The following CDH12 variants were observed in gnomAD, a reference collection of about 807,000 sequenced individuals.
The protein encoded by CDH12 is cadherin 12.
In CDH12, 41 loss-of-function variants were observed where a neutral mutation model predicts 74.1. That is an observed-to-expected ratio of 0.55 (90% CI 0.43 to 0.72). CDH12 has a LOEUF of 0.72. CDH12 is among the 30% of genes least tolerant of loss of function. The pLI is 0.00. For synonymous variants in CDH12, 399 were observed against 355.0 expected (o/e 1.12, Z -1.39); for missense variants, 945 against 977.2 (o/e 0.97, Z 0.44).
At chr5:21,934,120 A>C (rs1167284453) in intron 6 of CDH12, among the ~76,000 whole-genome samples, 3 of 152,068 alleles carry the variant, frequency 2.0e-5, no homozygotes, top group Admixed American at 1.3e-4. Context: ...ACACCCACAC[A>C]CACACACTCA....
chr5:22,719,520 A>G (rs1349852348), intron 1 of CDH12, among the ~76,000 whole-genome samples: 2 of 152,140 alleles, frequency 1.3e-5, no homozygotes, highest in African/African-American at 2.4e-5. Flanking sequence ...ATGTGTGTCT[A>G]GTGGCATTTC....
At chr5:22,252,244 T>C (rs1356919529) in intron 3 of CDH12, among the ~76,000 whole-genome samples, 6 of 152,070 alleles carry the variant, frequency 3.9e-5, no homozygotes, top group Non-Finnish European at 7.4e-5. Flanking sequence ...GTGTTAGATG[T>C]ATCCCAACTT....
intron 6 of CDH12, among the ~76,000 whole-genome samples, chr5:21,970,999 G>A (rs540097840): frequency 1.0e-3 from 153 of 151,612 alleles, no homozygotes; most frequent in African/African-American, 3.6e-3. Context: ...GAAAGGCAAG[G>A]GAGTACCTGT....
chr5:22,469,965 G>A (rs1395209554), intron 2 of CDH12, among the ~76,000 whole-genome samples: 3 of 152,278 alleles, frequency 2.0e-5, no homozygotes, highest in African/African-American at 7.2e-5. Flanking sequence ...AAGTCTGCAT[G>A]TCTTTTTTCT....
intron 2 of CDH12, among the ~76,000 whole-genome samples, chr5:22,447,749 G>C (rs934956384): frequency 6.6e-6 from 1 of 151,730 alleles, no homozygotes; most frequent in East Asian, 1.9e-4. Context: ...TCCAACTCTG[G>C]AATAAAAGTA....
At chr5:22,635,299 A>C (rs1738783643) in intron 1 of CDH12, among the ~76,000 whole-genome samples, 1 of 152,186 alleles carries the variant, frequency 6.6e-6, no homozygotes, top group Non-Finnish European at 1.5e-5. Flanking sequence ...CACATGCAAA[A>C]GAATGAAGTC....
At chr5:21,979,050 CTG>C (rs1257307954) in intron 5 of CDH12, among the ~76,000 whole-genome samples, 6 of 152,010 alleles carry the variant, frequency 3.9e-5, no homozygotes, top group Non-Finnish European at 7.4e-5. Context: ...GTCATGTTCA[CTG>C]TAAAAAAAAT....
At chr5:22,387,863 A>C (rs1017071778) in intron 3 of CDH12, among the ~76,000 whole-genome samples, 2 of 152,138 alleles carry the variant, frequency 1.3e-5, no homozygotes. Context: ...TTTATGTTTT[A>C]TAATAGGCAT....
chr5:22,145,632 G>A (rs1307576565), intron 4 of CDH12, among the ~76,000 whole-genome samples: 1 of 152,096 alleles, frequency 6.6e-6, no homozygotes, highest in Non-Finnish European at 1.5e-5. Context: ...TAGAAAGGAA[G>A]AAAGCAAGGC....
intron 2 of CDH12, among the ~76,000 whole-genome samples, chr5:22,438,242 A>G (rs1744484873): frequency 6.6e-6 from 1 of 152,008 alleles, no homozygotes; most frequent in Non-Finnish European, 1.5e-5. Context: ...CTCCTATTAC[A>G]ATTTGAATCG....
chr5:22,608,228 G>T (rs1380669794), intron 1 of CDH12, among the ~76,000 whole-genome samples: 2 of 152,230 alleles, frequency 1.3e-5, no homozygotes, highest in Admixed American at 1.3e-4. Context: ...GGTTGGAGCT[G>T]CCCAAGGCTG....
intron 4 of CDH12, among the ~76,000 whole-genome samples, chr5:22,207,289 C>A (rs931941013): frequency 6.7e-6 from 1 of 149,966 alleles, no homozygotes; most frequent in Non-Finnish European, 1.5e-5. Context: ...ATAAAAAAAT[C>A]ATGCAAGATG....
intron 8 of CDH12, among the ~76,000 whole-genome samples, chr5:21,830,808 C>T (rs970888621): frequency 1.4e-4 from 22 of 151,944 alleles, no homozygotes; most frequent in African/African-American, 4.6e-4. Context: ...AAGCCTGAGG[C>T]GGGTGGATCA....
chr5:22,182,561 T>G (rs1749704830), intron 4 of CDH12, among the ~76,000 whole-genome samples: 1 of 152,292 alleles, frequency 6.6e-6, no homozygotes, highest in African/African-American at 2.4e-5. Flanking sequence ...CAGTTAATTT[T>G]TGTTTTTAGA....
intron 5 of CDH12, among the ~76,000 whole-genome samples, chr5:22,055,535 G>A (rs1740675817): frequency 6.6e-6 from 1 of 151,968 alleles, no homozygotes; most frequent in Non-Finnish European, 1.5e-5. Flanking sequence ...TCTCCCCTAG[G>A]AAGCTTACTG....
intron 9 of CDH12, among the ~76,000 whole-genome samples, chr5:21,816,150 C>A (rs1175621409): frequency 6.6e-6 from 1 of 152,040 alleles, no homozygotes; most frequent in Non-Finnish European, 1.5e-5. Flanking sequence ...CTCTGCCATC[C>A]CTGACACAGC....
chr5:21,799,021 G>A (rs1208479580), intron 10 of CDH12, among the ~76,000 whole-genome samples: 4 of 152,100 alleles, frequency 2.6e-5, no homozygotes, highest in Non-Finnish European at 5.9e-5. Context: ...GGTTCAGAAA[G>A]AAAAGAGAAC....
intron 1 of CDH12, among the ~76,000 whole-genome samples, chr5:22,576,280 A>G: frequency 6.6e-6 from 1 of 151,944 alleles, no homozygotes; most frequent in East Asian, 1.9e-4. Context: ...CACCCCTGGC[A>G]CCTTTCTCAC....
At chr5:22,096,698 C>G (rs1743802695) in intron 4 of CDH12, among the ~76,000 whole-genome samples, 1 of 152,088 alleles carries the variant, frequency 6.6e-6, no homozygotes, top group Non-Finnish European at 1.5e-5. Flanking sequence ...CTTTATCCTA[C>G]CTCTCCCAGA....
Sources: allele counts gnomAD v4.1 joint callset (sites outside exome capture counted in the v4.1 genomes callset), GRCh38; gene constraint gnomAD v4.1.1; transcripts MANE v1.5; gene names NCBI Gene and HGNC (gene_info 2026-07-23, HGNC 2026-07-21).